PEX5L: variants seen among roughly 807,000 people sequenced by gnomAD.
The protein encoded by PEX5L is peroxisomal biogenesis factor 5 like.
In PEX5L, 30 loss-of-function variants were observed where a neutral mutation model predicts 84.0. The ratio of observed to expected loss-of-function variants is 0.36; its 90% CI spans 0.27 to 0.48. The LOEUF is 0.48. Ranked by LOEUF, PEX5L falls within the 20% of genes least tolerant of loss-of-function variation. The pLI is 0.99. For synonymous variants in PEX5L, 270 were observed against 283.1 expected (o/e 0.95, Z 0.46); for missense variants, 533 against 754.6 (o/e 0.71, Z 3.44).
At chr3:179,852,258 G>A (rs1455343507) in intron 8 of PEX5L, among the ~76,000 whole-genome samples, 3 of 152,302 alleles carry the variant, frequency 2.0e-5, no homozygotes, top group Middle Eastern at 3.4e-3. Flanking sequence ...CCCTCATGTG[G>A]TGTGGACAGG....
chr3:179,878,866 G>A (rs893927535), intron 5 of PEX5L, among the ~76,000 whole-genome samples: 2 of 152,120 alleles, frequency 1.3e-5, no homozygotes, highest in African/African-American at 4.8e-5. Flanking sequence ...CTACTAGACT[G>A]TAAATTTGCT....
At chr3:179,986,165 A>T (rs1318301488) in intron 1 of PEX5L, among the ~76,000 whole-genome samples, 5 of 122,078 alleles carry the variant, frequency 4.1e-5, no homozygotes, top group Non-Finnish European at 8.4e-5. Context: ...TGTAATTTAA[A>T]ATATATATAT....
At chr3:179,875,561 G>C in intron 5 of PEX5L, 84 bp from the exon 6 acceptor site, 1 of 923,842 alleles carries the variant, frequency 1.1e-6, no homozygotes, top group South Asian at 1.4e-5. Flanking sequence ...GGTGAGGGTG[G>C]AGCGTGTGGT....
intron 8 of PEX5L, among the ~76,000 whole-genome samples, chr3:179,853,959 G>A (rs940358571): frequency 5.3e-5 from 8 of 150,188 alleles, no homozygotes; most frequent in Admixed American, 1.3e-4. Flanking sequence ...TGACAAGTAC[G>A]TGCCACCATG....
At chr3:179,952,617 G>C (rs929810554) in intron 2 of PEX5L, among the ~76,000 whole-genome samples, 5 of 152,126 alleles carry the variant, frequency 3.3e-5, no homozygotes, top group African/African-American at 1.2e-4. Flanking sequence ...TAAACAAATA[G>C]AAAAACATTC....
At chr3:179,965,146 T>C (rs555886292) in intron 2 of PEX5L, among the ~76,000 whole-genome samples, 1 of 152,344 alleles carries the variant, frequency 6.6e-6, no homozygotes, top group East Asian at 1.9e-4. Context: ...GACTAGAGTA[T>C]CTGACACTGT....
At chr3:179,842,624 G>T (rs1029132639) in intron 8 of PEX5L, among the ~76,000 whole-genome samples, 7 of 152,040 alleles carry the variant, frequency 4.6e-5, no homozygotes, top group Non-Finnish European at 7.4e-5. Flanking sequence ...CTTGTAATTA[G>T]TTTTGTTGAG....
intron 1 of PEX5L, among the ~76,000 whole-genome samples, chr3:179,976,438 T>G (rs576411048): frequency 6.6e-6 from 1 of 152,144 alleles, no homozygotes; most frequent in Non-Finnish European, 1.5e-5. Flanking sequence ...CTTTTCTTTT[T>G]TTTTGGAGGG....
chr3:179,845,670 A>T (rs1358903183), intron 8 of PEX5L, among the ~76,000 whole-genome samples: 1 of 152,180 alleles, frequency 6.6e-6, no homozygotes, highest in African/African-American at 2.4e-5. Flanking sequence ...GAAAAGTGCA[A>T]ATGTGGTTTC....
chr3:179,874,531 G>A, intron 6 of PEX5L, 108 bp from the exon 7 acceptor site: 1 of 607,290 alleles, frequency 1.6e-6, no homozygotes, highest in Non-Finnish European at 2.9e-6. Context: ...TGATGTCAAA[G>A]CTCTCATCAA....
intron 2 of PEX5L, among the ~76,000 whole-genome samples, chr3:179,961,230 T>C (rs189591682): frequency 6.0e-3 from 900 of 150,960 alleles, no homozygotes; most frequent in Admixed American, 0.011. Context: ...TGTGTGTGTG[T>C]TTCCTAGATC....
In PEX5L at chr3:179,972,353, T is replaced by C. The variant is rs538134211; in HGVS notation, c.22-688A>G. Among the ~76,000 whole-genome samples the C allele has an allele frequency of 1.5e-3, 224 of 152,198 alleles. 2 individuals are homozygous for C. The highest frequency in any genetic ancestry group is 6.8e-3 in the Middle Eastern group (2 of 292). On this transcript the variant is annotated intron_variant, in intron 1 of 14. Transcript: ENST00000467460. ...GACCACTCTCCATCTATTTCCTCCATTGCAAAATCTATAAATTCTAAAGTT... is the reference window on the plus strand; with the variant it reads ...GACCACTCTCCATCTATTTCCTCCACTGCAAAATCTATAAATTCTAAAGTT...
intron 7 of PEX5L, among the ~76,000 whole-genome samples, chr3:179,864,047 A>G (rs146287024): frequency 0.028 from 4,267 of 152,148 alleles, 117 homozygotes; most frequent in African/African-American, 0.063. Context: ...CATGTAAGAT[A>G]TGACTTGCTC....
At chr3:179,830,759 G>A (rs948648232) in intron 8 of PEX5L, among the ~76,000 whole-genome samples, 11 of 152,048 alleles carry the variant, frequency 7.2e-5, no homozygotes, top group African/African-American at 2.7e-4. Context: ...CTCATTCCTG[G>A]TATCAAAACA....
chr3:179,935,008 A>G (rs913697191), intron 2 of PEX5L, among the ~76,000 whole-genome samples: 1 of 152,094 alleles, frequency 6.6e-6, no homozygotes, highest in Middle Eastern at 3.2e-3. Flanking sequence ...ATAAACCCAG[A>G]AGTGAAACCA....
At chr3:179,892,978 C>T (rs1429011767) in intron 3 of PEX5L, among the ~76,000 whole-genome samples, 1 of 152,052 alleles carries the variant, frequency 6.6e-6, no homozygotes, top group Non-Finnish European at 1.5e-5. Context: ...TGAGGGAAAA[C>T]CCTTAAGTGG....
intron 1 of PEX5L, among the ~76,000 whole-genome samples, chr3:179,986,830 A>T (rs1036923051): frequency 6.6e-6 from 1 of 152,250 alleles, no homozygotes; most frequent in Non-Finnish European, 1.5e-5. Context: ...CCCTGCCCTC[A>T]GCATATTTCC....
In PEX5L at chr3:179,879,917, C is replaced by T. The variant is rs761884440; in HGVS notation, c.505+12G>A. On this transcript the variant is annotated intron_variant, in intron 5 of 14. Transcript: ENST00000467460. ...AAGGTTGAGCATCCATAGCCGCAAG[C>T]GATTGCCTTACCTAGATCTAAGGAT... 1.9e-5 allele frequency: 29 copies of T among 1,540,106 alleles called. No homozygotes were observed. The highest frequency in any genetic ancestry group is 2.3e-5 in the East Asian group (1 of 44,020).
intron 2 of PEX5L, among the ~76,000 whole-genome samples, chr3:179,964,622 T>C (rs575855020): frequency 1.3e-5 from 2 of 152,232 alleles, no homozygotes; most frequent in East Asian, 1.9e-4. Flanking sequence ...AACTACTCCA[T>C]TAAAAAGTGG....
Sources: allele counts gnomAD v4.1 joint callset (sites outside exome capture counted in the v4.1 genomes callset), GRCh38; gene constraint gnomAD v4.1.1; transcripts MANE v1.5; gene names NCBI Gene and HGNC (gene_info 2026-07-23, HGNC 2026-07-21).